Variants in CAB39L observed in about 807,000 individuals in gnomAD.
The protein encoded by CAB39L is calcium-binding protein 39-like.
CAB39L carries 23 observed loss-of-function variants against 39.1 expected under a neutral mutation model. The ratio of observed to expected loss-of-function variants is 0.59; its 90% CI spans 0.42 to 0.83. The LOEUF (loss-of-function observed/expected upper bound fraction) is 0.83, where lower values mean the gene tolerates loss of function less well. CAB39L is among the 40% of genes least tolerant of loss of function. The pLI, the probability that CAB39L is intolerant of heterozygous loss-of-function variation, is 0.00. For missense variants in CAB39L, 366 were observed against 391.9 expected, an observed-to-expected ratio of 0.93 and a Z score of 0.56; for synonymous variants, 126 against 137.2, an observed-to-expected ratio of 0.92 and a Z score of 0.57.
chr13:49,434,826 T>C (rs913545317), intron 1 of CAB39L, among the ~76,000 whole-genome samples: 2 of 152,244 alleles, frequency 1.3e-5, no homozygotes, highest in African/African-American at 4.8e-5. Flanking sequence ...ATCTATGTTC[T>C]AGAGCCACTA....
chr13:49,378,504 A>T lies in CAB39L; in HGVS notation c.112-1373T>A, dbSNP rs1297142617. 1.4e-3 allele frequency among the ~76,000 whole-genome samples: 66 copies of T among 47,898 alleles called. 2 individuals carry two copies. Among genetic ancestry groups the T allele is most frequent in the Admixed American group, 2.7e-3 (17 of 6,202 alleles). The allele number at this position is 47,898 out of a possible 152,430, so 31.4% of individuals were successfully genotyped here. A position where few individuals can be genotyped will look rare whatever the true frequency, so the allele number is the denominator to read the frequency against. ...CCTACTGGGAAGTGAGGAGCCCCTC[A>T]GCCCGGCCAGCCACCCCGTCCGGGA... On this transcript the variant is annotated intron_variant, in intron 4 of 10. Coordinates refer to ENST00000409308, the MANE Select transcript of CAB39L (RefSeq NM_001079670.3).
intron 9 of CAB39L, 130 bp from the exon 10 acceptor site, chr13:49,332,220 C>T: frequency 9.7e-7 from 1 of 1,031,576 alleles, no homozygotes; most frequent in Non-Finnish European, 1.4e-6. Flanking sequence ...ATTAGAGTGT[C>T]CTTAAGTGCA....
At chr13:49,351,100 G>T in intron 6 of CAB39L, 188 bp from the exon 7 acceptor site, 3 of 366,712 alleles carry the variant, frequency 8.2e-6, no homozygotes, top group Non-Finnish European at 1.4e-5. Context: ...TGGAATTTGA[G>T]TGTATTCTGA....
chr13:49,428,418 A>C (rs1382587984), intron 3 of CAB39L, among the ~76,000 whole-genome samples: 3 of 152,240 alleles, frequency 2.0e-5, no homozygotes, highest in Admixed American at 6.5e-5. Flanking sequence ...GTCTTTAATA[A>C]TCTAATCTTA....
At chr13:49,416,773 T>C (rs1957092398) in intron 3 of CAB39L, among the ~76,000 whole-genome samples, 1 of 152,184 alleles carries the variant, frequency 6.6e-6, no homozygotes, top group Admixed American at 6.5e-5. Flanking sequence ...TATAAAGTAC[T>C]CAGAATAGTG....
In CAB39L at chr13:49,351,151, G is replaced by A. The variant is rs150497356; in HGVS notation, c.396-239C>T. 9.5e-4 allele frequency: 324 copies of A among 342,222 alleles called. 1 individual carries two copies. Among genetic ancestry groups the A allele is most frequent in the African/African-American group, 6.0e-3 (281 of 47,098 alleles). The allele number at this position is 342,222 out of a possible 1,614,324, so 21.2% of individuals were successfully genotyped here. On this transcript the variant is annotated intron_variant, in intron 6 of 10. Transcript: ENST00000409308. The stretch of plus-strand genomic sequence containing the variant: ...TCAAATATGAACATGGTGACAGCTG[G>A]GGGTGGGGGGATGAGGCAGAATGTA...
intron 10 of CAB39L, among the ~76,000 whole-genome samples, chr13:49,317,039 C>T (rs1954177568): frequency 6.6e-6 from 1 of 152,050 alleles, no homozygotes; most frequent in African/African-American, 2.4e-5. Flanking sequence ...CTGCCAACAC[C>T]TTGATTTTGG....
intron 1 of CAB39L, among the ~76,000 whole-genome samples, chr13:49,436,990 C>T (rs1398561226): frequency 1.3e-5 from 2 of 152,070 alleles, no homozygotes; most frequent in Non-Finnish European, 2.9e-5. Context: ...AGGCTGGGCT[C>T]GAACTCCTGG....
At chr13:49,435,797 A>G (rs1365251588) in intron 1 of CAB39L, among the ~76,000 whole-genome samples, 1 of 152,178 alleles carries the variant, frequency 6.6e-6, no homozygotes, top group Non-Finnish European at 1.5e-5. Context: ...CACCACGCCC[A>G]GTCTGGAACA....
intron 3 of CAB39L, among the ~76,000 whole-genome samples, chr13:49,390,680 A>C (rs1373494535): frequency 3.3e-5 from 5 of 152,238 alleles, no homozygotes; most frequent in African/African-American, 1.2e-4. Context: ...GAAGTAAACA[A>C]TGAATGAGAA....
chr13:49,433,212 C>A, intron 3 of CAB39L, 106 bp downstream of exon 3: 1 of 288,542 alleles, frequency 3.5e-6, no homozygotes, highest in Non-Finnish European at 6.8e-6. Context: ...CATTTAAATA[C>A]AATATTATAT....
At chr13:49,315,746 A>G (rs892447086) in intron 10 of CAB39L, among the ~76,000 whole-genome samples, 9 of 151,934 alleles carry the variant, frequency 5.9e-5, no homozygotes, top group African/African-American at 2.2e-4. Flanking sequence ...TTAGCCGGGC[A>G]TGGTGGTGTG....
intron 1 of CAB39L, among the ~76,000 whole-genome samples, chr13:49,441,933 T>C (rs1957532205): frequency 6.6e-6 from 1 of 152,176 alleles, no homozygotes; most frequent in African/African-American, 2.4e-5. Flanking sequence ...TATGATTAAT[T>C]TTATAATAAA....
intron 3 of CAB39L, among the ~76,000 whole-genome samples, chr13:49,428,755 C>A (rs1169700280): frequency 6.6e-6 from 1 of 151,994 alleles, no homozygotes; most frequent in African/African-American, 2.4e-5. Flanking sequence ...TGCCAAGGAG[C>A]CTAGAAAAAT....
chr13:49,354,989 A>G (rs1955446885), intron 6 of CAB39L, among the ~76,000 whole-genome samples: 1 of 152,224 alleles, frequency 6.6e-6, no homozygotes, highest in African/African-American at 2.4e-5. Context: ...AAATACCTGG[A>G]AAGCTTTTGT....
rs1483531582 is a variant in CAB39L at position 49,333,933 on chromosome 13, C to T, written c.691-1843G>A. 2.6e-5 allele frequency among the ~76,000 whole-genome samples: 4 copies of T among 152,238 alleles called. No individual in the cohort carries two copies. The East Asian group carries it at 7.7e-4, about 29-fold the overall frequency. Reference sequence around the variant, plus strand: ...GCACTTGAACACTGCTGGACTGTCACACTTAGCGTCTCTAAAACCAACTCC... The same window carrying T: ...GCACTTGAACACTGCTGGACTGTCATACTTAGCGTCTCTAAAACCAACTCC... On this transcript the variant is annotated intron_variant, in intron 9 of 10. Transcript: ENST00000409308.
At chr13:49,349,301 TA>T (rs1955271730) in intron 7 of CAB39L, among the ~76,000 whole-genome samples, 2 of 151,752 alleles carry the variant, frequency 1.3e-5, no homozygotes, top group Admixed American at 6.6e-5. Context: ...AGGTAATATA[TA>T]AAAAATAAAA....
chr13:49,313,855 ATGGGGCAG>A (rs942074826), intron 10 of CAB39L, among the ~76,000 whole-genome samples: 1 of 152,104 alleles, frequency 6.6e-6, no homozygotes, highest in African/African-American at 2.4e-5. Context: ...GGGCTTAGTT[ATGGGGCAG>A]TGGGGGTTTC....
At chr13:49,355,964 G>A (rs1158429775) in intron 6 of CAB39L, among the ~76,000 whole-genome samples, 1 of 151,952 alleles carries the variant, frequency 6.6e-6, no homozygotes, top group Non-Finnish European at 1.5e-5. Context: ...AGCTGTGGTG[G>A]GTGAATGACA....
Sources: allele counts gnomAD v4.1 joint callset (sites outside exome capture counted in the v4.1 genomes callset), GRCh38; gene constraint gnomAD v4.1.1; transcripts MANE v1.5; gene names NCBI Gene and HGNC (gene_info 2026-07-23, HGNC 2026-07-21).